The following STXBP5L variants were observed in gnomAD, a reference collection of about 807,000 sequenced individuals.
STXBP5L encodes syntaxin-binding protein 5-like.
A neutral mutation model predicts 144.5 loss-of-function variants in STXBP5L; 65 were observed. The ratio of observed to expected loss-of-function variants is 0.45; its 90% confidence interval spans 0.37 to 0.55. The LOEUF (loss-of-function observed/expected upper bound fraction) is 0.55, where lower values mean the gene tolerates loss of function less well. STXBP5L is among the 20% of genes least tolerant of loss of function. The probability of loss-of-function intolerance (pLI) is 0.00; values close to 1 mark genes in which losing one functional copy is unlikely to be tolerated. For missense variants in STXBP5L, 1,298 were observed against 1,405.5 expected (o/e 0.92, Z 1.22); for synonymous variants, 505 against 469.6 (o/e 1.08, Z -0.97).
intron 20 of STXBP5L, among the ~76,000 whole-genome samples, chr3:121,337,812 A>T (rs1417415620): frequency 1.3e-5 from 2 of 152,184 alleles, no homozygotes; most frequent in Non-Finnish European, 2.9e-5. Context: ...ATAGTCCACA[A>T]AACAAGTCTC....
chr3:121,243,435 G>A (rs1358603779), intron 14 of STXBP5L, among the ~76,000 whole-genome samples: 1 of 151,834 alleles, frequency 6.6e-6, no homozygotes, highest in Admixed American at 6.6e-5. Flanking sequence ...TATGAAAAAT[G>A]TTCCCTGTAC....
At chr3:120,998,637 G>A (rs769220457) in intron 3 of STXBP5L, among the ~76,000 whole-genome samples, 14 of 152,018 alleles carry the variant, frequency 9.2e-5, no homozygotes, top group Non-Finnish European at 1.9e-4. Context: ...GTGGTGTTTG[G>A]TTTTCTGTTT....
chr3:121,136,831 GT>G (rs1465740936), intron 7 of STXBP5L, among the ~76,000 whole-genome samples: 1 of 152,150 alleles, frequency 6.6e-6, no homozygotes, highest in Admixed American at 6.6e-5. Context: ...ATCAACCTAA[GT>G]GCCCATCAAT....
chr3:120,978,416 C>T (rs1267292489), intron 3 of STXBP5L, among the ~76,000 whole-genome samples: 1 of 152,202 alleles, frequency 6.6e-6, no homozygotes, highest in African/African-American at 2.4e-5. Flanking sequence ...AAGCACTTCT[C>T]TGTATTGGTT....
At chr3:121,225,293 A>G (rs2049087247) in intron 11 of STXBP5L, among the ~76,000 whole-genome samples, 1 of 151,902 alleles carries the variant, frequency 6.6e-6, no homozygotes, top group Admixed American at 6.6e-5. Flanking sequence ...TTGGTGTTGG[A>G]TTGTGCCCCA....
intron 5 of STXBP5L, among the ~76,000 whole-genome samples, chr3:121,113,913 C>G (rs1273587823): frequency 6.6e-6 from 1 of 152,028 alleles, no homozygotes; most frequent in African/African-American, 2.4e-5. Flanking sequence ...ACCTCATGAT[C>G]CACCTGCCTC....
intron 22 of STXBP5L, among the ~76,000 whole-genome samples, chr3:121,389,136 G>A (rs1386523847): frequency 6.6e-6 from 1 of 152,150 alleles, no homozygotes; most frequent in Non-Finnish European, 1.5e-5. Context: ...TATGTGTCCA[G>A]GAATTTATCC....
In STXBP5L at chr3:121,418,537, T is replaced by G; in HGVS notation, c.3427T>G (p.Phe1143Val). Residue 1143 changes from phenylalanine to valine, a missense_variant, in exon 26 of 27, where the codon TTT (phenylalanine) becomes GTT (valine). By Grantham distance (50) the Phe-to-Val change is conservative (BLOSUM62 -1). Transcript: ENST00000471454. Reference sequence around the variant, plus strand: ...AGGCATGATGACCAGTGCAGAAGCATTTTCCAAACATGCACATGAGGTAAA... The same window carrying G: ...AGGCATGATGACCAGTGCAGAAGCAGTTTCCAAACATGCACATGAGGTAAA... ...TAGMMTSAEA[F>V]SKHAHELMLK... 1 of 1,613,926 alleles carries G rather than the reference T, an allele frequency of 6.2e-7. No homozygotes were observed. Among genetic ancestry groups the G allele is most frequent in the Non-Finnish European group, 8.5e-7 (1 of 1,179,918 alleles).
intron 3 of STXBP5L, among the ~76,000 whole-genome samples, chr3:121,040,765 A>G (rs1355778860): frequency 2.0e-5 from 3 of 152,092 alleles, no homozygotes; most frequent in African/African-American, 7.2e-5. Flanking sequence ...TCTAGGCAGT[A>G]AACTGGGGCT....
At chr3:121,065,414 TTTG>T (rs755192394) in intron 5 of STXBP5L, among the ~76,000 whole-genome samples, 61 of 152,268 alleles carry the variant, frequency 4.0e-4, no homozygotes, top group Non-Finnish European at 6.0e-4. Flanking sequence ...ACACATGTCT[TTTG>T]TTGTTGTTAC....
intron 3 of STXBP5L, among the ~76,000 whole-genome samples, chr3:120,971,408 G>A (rs1940234633): frequency 6.6e-6 from 1 of 150,972 alleles, no homozygotes; most frequent in South Asian, 2.1e-4. Context: ...CCCACCTTTT[G>A]GAGCCTCCAA....
chr3:121,267,252 C>T (rs545418656), intron 18 of STXBP5L, among the ~76,000 whole-genome samples: 1 of 152,200 alleles, frequency 6.6e-6, no homozygotes, highest in African/African-American at 2.4e-5. Context: ...TCAGAAATAA[C>T]ACCACACATT....
chr3:120,970,236 C>A (rs900239517), intron 3 of STXBP5L, among the ~76,000 whole-genome samples: 14 of 152,018 alleles, frequency 9.2e-5, no homozygotes, highest in African/African-American at 3.4e-4. Context: ...ATTCAAATTA[C>A]AGTTTTAGAA....
intron 3 of STXBP5L, among the ~76,000 whole-genome samples, chr3:120,967,453 C>T (rs775055260): frequency 3.3e-5 from 5 of 152,148 alleles, no homozygotes; most frequent in African/African-American, 4.8e-5. Flanking sequence ...TCTAGAGTAG[C>T]GCTAAGCTGC....
At chr3:120,993,762 A>T (rs1195106810) in intron 3 of STXBP5L, among the ~76,000 whole-genome samples, 2 of 151,916 alleles carry the variant, frequency 1.3e-5, no homozygotes, top group African/African-American at 4.8e-5. Context: ...CTTTTTCTTT[A>T]GGATTGCTTT....
At chr3:121,352,839 A>T (rs2045348279) in intron 20 of STXBP5L, among the ~76,000 whole-genome samples, 1 of 152,066 alleles carries the variant, frequency 6.6e-6, no homozygotes, top group Non-Finnish European at 1.5e-5. Flanking sequence ...AGCTCTTATT[A>T]TTTTGAGATG....
At chr3:121,336,504 A>G (rs1349599954) in intron 20 of STXBP5L, among the ~76,000 whole-genome samples, 1 of 152,116 alleles carries the variant, frequency 6.6e-6, no homozygotes, top group Non-Finnish European at 1.5e-5. Context: ...CAAAAAAACC[A>G]GCCAACCAAC....
chr3:121,236,965 C>A (rs2049503502), intron 12 of STXBP5L, among the ~76,000 whole-genome samples: 1 of 152,146 alleles, frequency 6.6e-6, no homozygotes. Context: ...CTTAAAGCTC[C>A]AAAATAATTT....
At chr3:121,407,739 T>G (rs2047027187) in intron 23 of STXBP5L, 136 bp downstream of exon 23, 4 of 1,268,362 alleles carry the variant, frequency 3.2e-6, no homozygotes, top group Non-Finnish European at 4.2e-6. Context: ...TCTGGATGTT[T>G]TATTGTTCAA....
Sources: allele counts gnomAD v4.1 joint callset (sites outside exome capture counted in the v4.1 genomes callset), GRCh38; gene constraint gnomAD v4.1.1; transcripts MANE v1.5; gene names NCBI Gene and HGNC (gene_info 2026-07-23, HGNC 2026-07-21).